HNRNPLL: variants seen among roughly 807,000 people sequenced by gnomAD.
HNRNPLL encodes the protein heterogeneous nuclear ribonucleoprotein L-like.
Under a neutral mutation model 67.1 loss-of-function variants are expected in HNRNPLL, and 25 were observed. The observed-to-expected ratio is 0.37, with a 90% CI of 0.27 to 0.52. The LOEUF (loss-of-function observed/expected upper bound fraction) is 0.52, where lower values mean the gene tolerates loss of function less well. Ranked by LOEUF, HNRNPLL falls within the 20% of genes least tolerant of loss-of-function variation. The pLI, the probability that HNRNPLL is intolerant of heterozygous loss-of-function variation, is 0.90. For synonymous variants in HNRNPLL, 267 were observed against 241.7 expected (o/e 1.10, Z -0.97); for missense variants, 542 against 673.9 (o/e 0.80, Z 2.17).
intron 8 of HNRNPLL, among the ~76,000 whole-genome samples, chr2:38,570,523 T>C (rs995069434): frequency 4.6e-5 from 7 of 152,168 alleles, no homozygotes; most frequent in African/African-American, 1.4e-4. Context: ...TTGTGCAACA[T>C]AGGGGGATAC....
At chr2:38,586,025 C>T in intron 2 of HNRNPLL, 144 bp from the exon 3 acceptor site, 1 of 538,652 alleles carries the variant, frequency 1.9e-6, no homozygotes, top group Non-Finnish European at 3.3e-6. Flanking sequence ...CGTAAGTCAA[C>T]TTTTTTTTTT....
At chr2:38,597,685 TTTTTTA>T (rs1667254170) in intron 1 of HNRNPLL, among the ~76,000 whole-genome samples, 1 of 143,156 alleles carries the variant, frequency 7.0e-6, no homozygotes, top group South Asian at 2.4e-4. Flanking sequence ...TCAAGTAACT[TTTTTTA>T]TTTTTTTTTT....
At chr2:38,573,185 G>T (rs199508451) in intron 8 of HNRNPLL, 25 bp downstream of exon 8, 2 of 1,494,880 alleles carry the variant, frequency 1.3e-6, no homozygotes, top group Non-Finnish European at 1.8e-6. Flanking sequence ...CCTAGCAAAA[G>T]AAACCAATAT....
intron 12 of HNRNPLL, chr2:38,566,189 G>T: frequency 4.3e-6 from 2 of 463,502 alleles, no homozygotes; most frequent in Non-Finnish European, 5.7e-6. Flanking sequence ...CCAACGTGGT[G>T]AAACCCCGTC....
intron 8 of HNRNPLL, 97 bp from the exon 9 acceptor site, chr2:38,570,022 T>C (rs889340623): frequency 1.6e-5 from 13 of 791,822 alleles, no homozygotes; most frequent in Middle Eastern, 5.4e-4. Context: ...TAAAGTAAAA[T>C]ACGGAAGATC....
In HNRNPLL at chr2:38,583,940, G is replaced by A; in HGVS notation, c.547-14C>T. 1 of 1,243,276 alleles carries A rather than the reference G, an allele frequency of 8.0e-7. No individual in the cohort carries two copies. The highest frequency in any genetic ancestry group is 1.5e-5 in the African/African-American group (1 of 65,122). The allele number at this position is 1,243,276 out of a possible 1,614,324, so 77.0% of individuals were successfully genotyped here. A position where few individuals can be genotyped will look rare whatever the true frequency, so the allele number is the denominator to read the frequency against. ...ATATAAAACATCCTATGAAGGAAAA[G>A]AAAAAGATTTCTTCACACTTTACAT... On this transcript the variant is annotated splice_polypyrimidine_tract_variant and intron_variant, in intron 3 of 12. Transcript: ENST00000449105.
intron 1 of HNRNPLL, among the ~76,000 whole-genome samples, chr2:38,595,834 ACTCCGT>A (rs1255797088): frequency 2.0e-5 from 3 of 151,898 alleles, no homozygotes; most frequent in Non-Finnish European, 2.9e-5. Flanking sequence ...ACAGAGCGAG[ACTCCGT>A]CTCAAAAAAA....
chr2:38,572,832 T>G (rs1159545840), intron 8 of HNRNPLL, among the ~76,000 whole-genome samples: 3 of 151,946 alleles, frequency 2.0e-5, no homozygotes, highest in Non-Finnish European at 2.9e-5. Context: ...CTGGCTAGGC[T>G]CCGAAGCTTG....
chr2:38,566,577 G>C (rs989616967), intron 12 of HNRNPLL, among the ~76,000 whole-genome samples: 1 of 151,886 alleles, frequency 6.6e-6, no homozygotes, highest in Non-Finnish European at 1.5e-5. Context: ...TATCACGGTT[G>C]GTAACGTAAA....
chr2:38,594,037 T>A (rs1667074898), intron 1 of HNRNPLL, among the ~76,000 whole-genome samples: 1 of 150,934 alleles, frequency 6.6e-6, no homozygotes, highest in South Asian at 2.1e-4. Context: ...TAGCCGGGCA[T>A]GGTGGCAGGT....
chr2:38,597,942 C>T (rs1452150266), intron 1 of HNRNPLL, among the ~76,000 whole-genome samples: 1 of 152,144 alleles, frequency 6.6e-6, no homozygotes, highest in Non-Finnish European at 1.5e-5. Context: ...CTGCCTCAGC[C>T]TCCCAAATTG....
chr2:38,602,770 G>A lies in HNRNPLL; in HGVS notation c.-144C>T, dbSNP rs1667506157. ...CCCGGCCGTCCGCGGGGACTGCGCG[G>A]CCAGGAGACTGGCGGCTGAGAAGCG... is the stretch of plus-strand genomic sequence containing the variant. On this transcript the variant is annotated 5_prime_UTR_variant, in exon 1 of 13. Transcript: ENST00000449105. The A allele has an allele frequency of 1.3e-6, 2 of 1,526,036 alleles. No homozygotes were observed. Among genetic ancestry groups the A allele is most frequent in the Non-Finnish European group, 1.8e-6 (2 of 1,136,230 alleles). The allele number at this position is 1,526,036 out of a possible 1,614,324, so 94.5% of individuals were successfully genotyped here. A position where few individuals can be genotyped will look rare whatever the true frequency, so the allele number is the denominator to read the frequency against.
intron 1 of HNRNPLL, among the ~76,000 whole-genome samples, chr2:38,598,395 T>C (rs957509363): frequency 2.6e-5 from 4 of 152,178 alleles, no homozygotes; most frequent in Non-Finnish European, 5.9e-5. Flanking sequence ...GATCCAGCCA[T>C]TCCTAAAACC....
At chr2:38,595,620 G>A (rs1270295359) in intron 1 of HNRNPLL, among the ~76,000 whole-genome samples, 1 of 152,148 alleles carries the variant, frequency 6.6e-6, no homozygotes, top group East Asian at 1.9e-4. Context: ...CAAGGCAGGC[G>A]AATACCTGAG....
At chr2:38,586,061 G>A (rs1443117876) in intron 2 of HNRNPLL, among the ~76,000 whole-genome samples, 180 bp from the exon 3 acceptor site, 16 of 146,900 alleles carry the variant, frequency 1.1e-4, no homozygotes, top group East Asian at 3.9e-4. Flanking sequence ...TTTCTCTGTC[G>A]CCCAGGCTGG....
intron 12 of HNRNPLL, among the ~76,000 whole-genome samples, chr2:38,567,028 T>A (rs1375292428): frequency 6.6e-6 from 1 of 152,068 alleles, no homozygotes; most frequent in African/African-American, 2.4e-5. Context: ...AATGTGGCAA[T>A]ATAGAAATAG....
At chr2:38,595,766 C>T (rs888999627) in intron 1 of HNRNPLL, among the ~76,000 whole-genome samples, 14 of 152,284 alleles carry the variant, frequency 9.2e-5, no homozygotes, top group Admixed American at 7.8e-4. Flanking sequence ...ATGGCGTGAA[C>T]CCGGGAGGCA....
chr2:38,563,437 TATTAAA>T lies in HNRNPLL; in HGVS notation c.*739_*744del, dbSNP rs1172540819. On this transcript the variant is annotated 3_prime_UTR_variant, in exon 13 of 13. Coordinates refer to ENST00000449105, the MANE Select transcript of HNRNPLL (RefSeq NM_138394.4). The stretch of plus-strand genomic sequence containing the variant: ...AAGAGGAACTGTTAATTATAACCTC[TATTAAA>T]ATCTCAATGCCAAATACTAGCTGTA... 2.6e-5 allele frequency: 4 copies of T among 152,130 alleles called. No homozygotes were observed. The highest frequency in any genetic ancestry group is 9.6e-5 in the African/African-American group (4 of 41,466). The allele number at this position is 152,130 out of a possible 1,614,324, so 9.4% of individuals were successfully genotyped here.
chr2:38,565,474 G>T (rs893286558), intron 12 of HNRNPLL, among the ~76,000 whole-genome samples: 1 of 152,040 alleles, frequency 6.6e-6, no homozygotes, highest in Admixed American at 6.5e-5. Flanking sequence ...GGGAGGCTGA[G>T]GCCAGAGGAC....
Sources: gnomAD v4.1 joint callset for allele counts (sites outside exome capture counted in the v4.1 genomes callset) on GRCh38, gnomAD v4.1.1 for gene constraint, MANE v1.5 for transcripts, NCBI Gene and HGNC (gene_info 2026-07-23, HGNC 2026-07-21) for gene names.